The following USP45 variants were observed in gnomAD, a reference collection of about 807,000 sequenced individuals.
USP45 encodes ubiquitin carboxyl-terminal hydrolase 45.
In USP45, 89 loss-of-function variants were observed where a neutral mutation model predicts 95.8. That is an observed-to-expected ratio of 0.93 (90% confidence interval 0.78 to 1.11). The LOEUF (loss-of-function observed/expected upper bound fraction) is 1.11. Ranked by LOEUF, USP45 falls within the 50% of genes least tolerant of loss-of-function variation. USP45 has a pLI of 0.00. For synonymous variants in USP45, 281 were observed against 316.2 expected (o/e 0.89, Z 1.18); for missense variants, 898 against 942.5 (o/e 0.95, Z 0.62).
chr6:99,472,431 G>C (rs985747671), intron 9 of USP45, among the ~76,000 whole-genome samples: 76 of 152,062 alleles, frequency 5.0e-4, no homozygotes, highest in Admixed American at 3.8e-3. Context: ...GGCCAAGCTG[G>C]TCTCGAACTC....
intron 17 of USP45, among the ~76,000 whole-genome samples, chr6:99,436,115 C>T (rs1380784262): frequency 6.6e-6 from 1 of 151,996 alleles, no homozygotes; most frequent in East Asian, 1.9e-4. Flanking sequence ...AACCTGTCAT[C>T]TACATTACGT....
chr6:99,487,067 G>A (rs1421133089), intron 7 of USP45, among the ~76,000 whole-genome samples: 1 of 152,150 alleles, frequency 6.6e-6, no homozygotes, highest in Non-Finnish European at 1.5e-5. Flanking sequence ...TGAATAACCT[G>A]AAGGTGGGTT....
In USP45 at chr6:99,435,151, G is replaced by T. The variant is rs1780265294; in HGVS notation, c.*565C>A. Reference sequence around the variant, plus strand: ...ATGGTAGTACACATATATACCACTAGATGGCCCTGAGATGATTTTAAGTTA... The same window carrying T: ...ATGGTAGTACACATATATACCACTATATGGCCCTGAGATGATTTTAAGTTA... On this transcript the variant is annotated 3_prime_UTR_variant, in exon 18 of 18. Coordinates refer to ENST00000500704, the MANE Select transcript of USP45 (RefSeq NM_001346022.3). 1.3e-5 allele frequency: 2 copies of T among 152,530 alleles called. No homozygotes were observed. The highest frequency in any genetic ancestry group is 2.1e-4 in the South Asian group (1 of 4,828). The allele number at this position is 152,530 out of a possible 1,614,324, so 9.4% of individuals were successfully genotyped here.
chr6:99,451,779 A>G (rs1783907086), intron 13 of USP45, among the ~76,000 whole-genome samples: 1 of 152,232 alleles, frequency 6.6e-6, no homozygotes, highest in South Asian at 2.1e-4. Context: ...ACTTCAAACT[A>G]TACTACAAGG....
At position 99,476,034 on chromosome 6, in the gene USP45, C is replaced by T. The variant is rs1055263985; in HGVS notation, c.933+109G>A. On this transcript the variant is annotated intron_variant, in intron 9 of 17. Transcript: ENST00000500704. ...GTTTCACTATGTTGGCTAGGCTGGT[C>T]TGAAACTCCTGACCTCAGATGATCC... 21 of 939,202 alleles carry T rather than the reference C, an allele frequency of 2.2e-5. 1 individual carries two copies. In the South Asian group the frequency reaches 3.0e-4, roughly 13 times the overall value. The allele number at this position is 939,202 out of a possible 1,614,324, so 58.2% of individuals were successfully genotyped here.
intron 3 of USP45, among the ~76,000 whole-genome samples, chr6:99,508,228 A>G (rs1482744920): frequency 2.6e-5 from 4 of 152,176 alleles, no homozygotes; most frequent in African/African-American, 9.7e-5. Context: ...ACAGATATCA[A>G]TAACTTTTAA....
At chr6:99,453,503 G>A (rs1368253647) in intron 13 of USP45, among the ~76,000 whole-genome samples, 2 of 152,116 alleles carry the variant, frequency 1.3e-5, no homozygotes. Context: ...AAATACTGAT[G>A]AAAGAAACTG....
In USP45 at chr6:99,437,352, C is replaced by G; in HGVS notation, c.2208G>C (p.Val736=). ...CTTCTCTCATCGAGCCACTATGTTC[C>G]ACTATGCCATAGAGACCGTAGAGAA... ...DKVLYGLYGI[V]EHSGSMREGH... is the part of the protein sequence containing the mutation. The change falls in exon 17 of 18, where the codon GTG becomes GTC. Residue 736 remains valine (V), a synonymous_variant. Transcript: ENST00000500704. 6.2e-7 allele frequency: 1 copy of G among 1,613,746 alleles called. No individual in the cohort carries two copies. Among genetic ancestry groups the G allele is most frequent in the South Asian group, 1.1e-5 (1 of 91,006 alleles).
At chr6:99,508,166 A>AT (rs1798952365) in intron 3 of USP45, among the ~76,000 whole-genome samples, 1 of 145,948 alleles carries the variant, frequency 6.9e-6, no homozygotes, top group African/African-American at 2.5e-5. Context: ...GATTTCTCTT[A>AT]TTTTTTTAAA....
chr6:99,502,825 C>T (rs961766458), intron 5 of USP45, among the ~76,000 whole-genome samples: 1 of 152,162 alleles, frequency 6.6e-6, no homozygotes, highest in Non-Finnish European at 1.5e-5. Flanking sequence ...GTACTACCTC[C>T]TCGTCTATCT....
At chr6:99,482,391 G>C in intron 8 of USP45, 1 of 192,254 alleles carries the variant, frequency 5.2e-6, no homozygotes, top group Non-Finnish European at 1.1e-5. Context: ...AAGAAAGCTA[G>C]ATTAGATGTT....
At chr6:99,447,967 G>A (rs190832139) in intron 13 of USP45, among the ~76,000 whole-genome samples, 26 of 152,322 alleles carry the variant, frequency 1.7e-4, no homozygotes, top group Middle Eastern at 6.8e-3. Flanking sequence ...AACTCCAACA[G>A]ACCTGCAGCT....
chr6:99,442,870 A>T (rs984644937), intron 15 of USP45, among the ~76,000 whole-genome samples: 1 of 151,604 alleles, frequency 6.6e-6, no homozygotes, highest in Admixed American at 6.6e-5. Flanking sequence ...AAATTATTTA[A>T]GTTTTCTCCT....
chr6:99,514,955 G>A (rs895689316), intron 1 of USP45: 2 of 152,290 alleles, frequency 1.3e-5, no homozygotes, highest in African/African-American at 4.8e-5. Context: ...AGCGGTGGAT[G>A]GAGATGCGGA....
chr6:99,441,775 C>G (rs922944472), intron 15 of USP45, among the ~76,000 whole-genome samples: 6 of 152,106 alleles, frequency 3.9e-5, no homozygotes, highest in Non-Finnish European at 5.9e-5. Flanking sequence ...CTTTGTACTT[C>G]TAGAAATGTC....
At chr6:99,480,296 A>G (rs942499249) in intron 8 of USP45, among the ~76,000 whole-genome samples, 1 of 151,990 alleles carries the variant, frequency 6.6e-6, no homozygotes, top group Non-Finnish European at 1.5e-5. Flanking sequence ...AAGATTCAAC[A>G]TTGTTAAGAT....
In USP45 at chr6:99,435,736, AAAG is replaced by A. The variant is rs750221402; in HGVS notation, c.2422_2424del (p.Leu808del). The A allele has an allele frequency of 2.2e-5, 36 of 1,613,050 alleles. No homozygotes were observed. Among genetic ancestry groups the A allele is most frequent in the Non-Finnish European group, 2.7e-5 (32 of 1,179,448 alleles). On this transcript the variant is annotated inframe_deletion, in exon 18 of 18. Coordinates refer to ENST00000500704, the MANE Select transcript of USP45 (RefSeq NM_001346022.3). ...AATAGTTATAATACTCTTTCATAGA[AAAG>A]AAGGTAGGCTTGTGCACTAAGTGCT...
rs1233155948 is a variant in USP45, at chr6:99,488,389, A to C, written c.619-94T>G. 10 of 830,964 alleles carry C rather than the reference A, an allele frequency of 1.2e-5. No homozygotes were observed. The Admixed American group carries it at 3.0e-4, about 25-fold the overall frequency. The allele number at this position is 830,964 out of a possible 1,614,324, so 51.5% of individuals were successfully genotyped here. ...CTCAAATTTCATCTAGCATAGCAAAAGTGTCTATTTCAAAAAATATTAAGA... is the reference window on the plus strand; with the variant it reads ...CTCAAATTTCATCTAGCATAGCAAACGTGTCTATTTCAAAAAATATTAAGA... On this transcript the variant is annotated intron_variant, in intron 6 of 17. Transcript: ENST00000500704.
rs1374250907 is a variant in USP45 at position 99,432,391 on chromosome 6, A to C, written c.*3325T>G. ...ACATAAGCAAATGCATTGTTGATAA[A>C]ACATTCTGTCAATAACGTAAACTGT... is the stretch of plus-strand genomic sequence containing the variant. On this transcript the variant is annotated 3_prime_UTR_variant, in exon 18 of 18. Coordinates refer to ENST00000500704, the MANE Select transcript of USP45 (RefSeq NM_001346022.3). The C allele has an allele frequency of 6.6e-6, 1 of 151,934 alleles. No individual in the cohort carries two copies. The highest frequency in any genetic ancestry group is 2.4e-5 in the African/African-American group (1 of 41,174). 9.4% of individuals were successfully genotyped at this position (151,934 alleles called of 1,614,324 possible). A position where few individuals can be genotyped will look rare whatever the true frequency, so the allele number is the denominator to read the frequency against.
Sources: gnomAD v4.1 joint callset for allele counts (sites outside exome capture counted in the v4.1 genomes callset) on GRCh38, gnomAD v4.1.1 for gene constraint, MANE v1.5 for transcripts, NCBI Gene and HGNC (gene_info 2026-07-23, HGNC 2026-07-21) for gene names.